RELCH: variants seen among roughly 807,000 people sequenced by gnomAD.
The protein encoded by RELCH is RAB11 binding and LisH domain, coiled-coil and HEAT repeat containing.
RELCH carries 41 observed loss-of-function variants against 150.3 expected under a neutral mutation model. The observed-to-expected ratio is 0.27, with a 90% confidence interval of 0.21 to 0.35. The LOEUF is 0.35. Among genes scored for constraint, RELCH ranks in the 10% least tolerant of loss-of-function variants. The pLI, the probability that RELCH is intolerant of heterozygous loss-of-function variation, is 1.00. For missense variants in RELCH, 1,092 were observed against 1,467.8 expected (o/e 0.74, Z 4.18); for synonymous variants, 478 against 531.8 (o/e 0.90, Z 1.39).
chr18:62,207,722 T>G (rs2039899512), intron 1 of RELCH, among the ~76,000 whole-genome samples: 1 of 152,204 alleles, frequency 6.6e-6, no homozygotes, highest in Admixed American at 6.5e-5. Context: ...TACAATTTGG[T>G]GGTTCTCTGT....
intron 1 of RELCH, among the ~76,000 whole-genome samples, chr18:62,208,107 A>G (rs2039927029): frequency 1.3e-5 from 2 of 152,008 alleles, no homozygotes; most frequent in Non-Finnish European, 2.9e-5. Flanking sequence ...AATGTACCTC[A>G]TTGTGGTTTG....
intron 18 of RELCH, among the ~76,000 whole-genome samples, chr18:62,266,213 T>C (rs572389954): frequency 2.6e-5 from 4 of 152,056 alleles, no homozygotes; most frequent in African/African-American, 9.6e-5. Flanking sequence ...ATTTGAAAAG[T>C]TGTAATAAAA....
intron 13 of RELCH, among the ~76,000 whole-genome samples, chr18:62,255,847 A>G (rs1397462147): frequency 6.6e-6 from 1 of 152,074 alleles, no homozygotes; most frequent in African/African-American, 2.4e-5. Flanking sequence ...TTGGTGCAAA[A>G]GCAGGGATGG....
At chr18:62,210,741 T>C (rs1404847366) in intron 1 of RELCH, among the ~76,000 whole-genome samples, 1 of 152,234 alleles carries the variant, frequency 6.6e-6, no homozygotes, top group African/African-American at 2.4e-5. Context: ...CACATTTTAC[T>C]GGTTTTTGTG....
At chr18:62,227,820 AAGT>A in intron 7 of RELCH, 131 bp downstream of exon 7, 1 of 499,370 alleles carries the variant, frequency 2.0e-6, no homozygotes, top group Non-Finnish European at 3.5e-6. Flanking sequence ...TTCTGAAAGA[AAGT>A]TTTGTAATTG....
chr18:62,256,641 A>G (rs1256683978), intron 13 of RELCH, among the ~76,000 whole-genome samples: 1 of 152,050 alleles, frequency 6.6e-6, no homozygotes. Context: ...CACTGATAGC[A>G]GCAAAATGTC....
chr18:62,231,505 ACT>A (rs1318258404), intron 9 of RELCH, among the ~76,000 whole-genome samples: 9 of 151,902 alleles, frequency 5.9e-5, no homozygotes, highest in Admixed American at 2.0e-4. Context: ...CATTTTATAA[ACT>A]CTATTTTTAA....
At chr18:62,210,827 G>A (rs1690869812) in intron 1 of RELCH, among the ~76,000 whole-genome samples, 2 of 152,166 alleles carry the variant, frequency 1.3e-5, no homozygotes, top group African/African-American at 4.8e-5. Context: ...TCTTTCAGTA[G>A]GCACTTGTTC....
intron 13 of RELCH, 91 bp from the exon 14 acceptor site, chr18:62,257,857 C>A: frequency 1.0e-6 from 1 of 992,282 alleles, no homozygotes; most frequent in Non-Finnish European, 1.5e-6. Flanking sequence ...CCTGTTTAAT[C>A]TGGATTTTGA....
chr18:62,252,543 A>G, intron 11 of RELCH, 121 bp from the exon 12 acceptor site: 1 of 697,898 alleles, frequency 1.4e-6, no homozygotes, highest in Non-Finnish European at 2.5e-6. Flanking sequence ...TAAAAAGTCT[A>G]ATTTGATTGT....
intron 10 of RELCH, among the ~76,000 whole-genome samples, chr18:62,240,221 T>C (rs181579061): frequency 6.6e-6 from 1 of 151,974 alleles, no homozygotes; most frequent in Non-Finnish European, 1.5e-5. Context: ...ATTTTTATAT[T>C]GCTTATTGTC....
chr18:62,241,568 AT>A (rs1195408812), intron 10 of RELCH, among the ~76,000 whole-genome samples: 3 of 152,210 alleles, frequency 2.0e-5, no homozygotes, highest in East Asian at 1.9e-4. Flanking sequence ...ATGCCTAAGG[AT>A]TTTTTTATTG....
Position 62,305,703 on chromosome 18 carries a change from G to T in RELCH, c.*169G>T. On this transcript the variant is annotated 3_prime_UTR_variant, in exon 29 of 29. Transcript: ENST00000644646. The surrounding 1 kb of genome is among the most constrained non-coding windows in gnomAD (Gnocchi z 4.0). ...TGCTTTTAATTACTGCTGTATATTTGTTGATTTTGGAGTTACAACTGTGGT... is the reference window on the plus strand; with the variant it reads ...TGCTTTTAATTACTGCTGTATATTTTTTGATTTTGGAGTTACAACTGTGGT... The T allele has an allele frequency of 1.7e-6, 1 of 587,652 alleles. No individual in the cohort carries two copies. The highest frequency in any genetic ancestry group is 4.0e-5 in the South Asian group (1 of 25,240). 36.4% of individuals were successfully genotyped at this position (587,652 alleles called of 1,614,324 possible). A position where few individuals can be genotyped will look rare whatever the true frequency, so the allele number is the denominator to read the frequency against.
intron 1 of RELCH, among the ~76,000 whole-genome samples, chr18:62,199,955 TTAA>T (rs758200036): frequency 1.4e-5 from 2 of 140,836 alleles, no homozygotes; most frequent in African/African-American, 4.9e-5. Context: ...AAAAAGAATG[TTAA>T]TAATAATAAT....
chr18:62,221,770 A>G (rs1192745714), intron 5 of RELCH, among the ~76,000 whole-genome samples: 3 of 151,570 alleles, frequency 2.0e-5, no homozygotes, highest in Non-Finnish European at 3.0e-5. Flanking sequence ...ATTTTTGCAT[A>G]TATTCATAAA....
rs2043744264 is a variant in RELCH, at chr18:62,269,020, A to G, written c.2760+72A>G. On this transcript the variant is annotated intron_variant, in intron 20 of 28. Coordinates refer to ENST00000644646, the MANE Select transcript of RELCH (RefSeq NM_001346231.2). ...AAAATGCCTAGTATTGTGTCTTCTT[A>G]ATGTAAGTGACATTGCTACCAATAA... 3 of 666,154 alleles carry G rather than the reference A, an allele frequency of 4.5e-6. No homozygotes were observed. In the East Asian group the frequency reaches 8.8e-5, roughly 19 times the overall value. The allele number at this position is 666,154 out of a possible 1,614,324, so 41.3% of individuals were successfully genotyped here.
chr18:62,238,643 A>G (rs1011186471), intron 10 of RELCH, among the ~76,000 whole-genome samples: 8 of 152,028 alleles, frequency 5.3e-5, no homozygotes, highest in Non-Finnish European at 1.2e-4. Flanking sequence ...CAAAGGAGAA[A>G]TCTGGGGCTG....
chr18:62,308,693 G>T lies in RELCH; in HGVS notation c.*3159G>T, dbSNP rs1179846517. ...TATTGCACCACTGCACTCCAGCCTG[G>T]TCCACAGAGCAAGACTCCATCTCAA... On this transcript the variant is annotated 3_prime_UTR_variant, in exon 29 of 29. Coordinates refer to ENST00000644646, the MANE Select transcript of RELCH (RefSeq NM_001346231.2). The T allele has an allele frequency of 6.6e-6, 1 of 151,922 alleles. No homozygotes were observed. Among genetic ancestry groups the T allele is most frequent in the Non-Finnish European group, 1.5e-5 (1 of 68,002 alleles). 9.4% of individuals were successfully genotyped at this position (151,922 alleles called of 1,614,324 possible). A position where few individuals can be genotyped will look rare whatever the true frequency, so the allele number is the denominator to read the frequency against.
chr18:62,239,710 A>G (rs1286155638), intron 10 of RELCH, among the ~76,000 whole-genome samples: 3 of 152,048 alleles, frequency 2.0e-5, no homozygotes, highest in Non-Finnish European at 2.9e-5. Context: ...AGTTAGCCAC[A>G]GTTGCTGCCA....
Sources: gnomAD v4.1 joint callset for allele counts (sites outside exome capture counted in the v4.1 genomes callset) on GRCh38, gnomAD v4.1.1 for gene constraint, Gnocchi (gnomAD v3.1) non-coding constraint, MANE v1.5 for transcripts, NCBI Gene and HGNC (gene_info 2026-07-23, HGNC 2026-07-21) for gene names.